Variants in NCOR2 observed in about 807,000 individuals in gnomAD.
NCOR2 encodes the protein nuclear receptor corepressor 2, also known as CTG repeat protein 26.
Under a neutral mutation model 262.9 loss-of-function variants are expected in NCOR2, and 81 were observed. The ratio of observed to expected loss-of-function variants is 0.31; its 90% confidence interval spans 0.26 to 0.37. The LOEUF (loss-of-function observed/expected upper bound fraction) is 0.37, where lower values mean the gene tolerates loss of function less well. Among genes scored for constraint, NCOR2 ranks in the 10% least tolerant of loss-of-function variants. The pLI is 1.00. For synonymous variants in NCOR2, 1,659 were observed against 1,559.3 expected (o/e 1.06, Z -1.51); for missense variants, 3,385 against 3,621.4 (o/e 0.93, Z 1.68).
At chr12:124,400,797 T>C in intron 14 of NCOR2, 124 bp from the exon 17 acceptor site, 1 of 1,261,400 alleles carries the variant, frequency 7.9e-7, no homozygotes, top group Non-Finnish European at 1.1e-6. Flanking sequence ...AATCGGACGC[T>C]AGGAAAGAGG....
At position 124,389,572 on chromosome 12, in the gene NCOR2, C is replaced by T. The variant is rs990130564; in HGVS notation, c.1877-3685G>A. The stretch of plus-strand genomic sequence containing the variant: ...CCATCATCCCCCGCCGCCCGTCCCC[C>T]CACCCTCCGTGTCAGTTCCACCTGA... On this transcript the variant is annotated intron_variant, in intron 16 of 46. Coordinates refer to ENST00000405201, the Ensembl canonical transcript of NCOR2. The surrounding 1 kb of genome is among the most constrained non-coding windows in gnomAD (Gnocchi z 4.4). Among the ~76,000 whole-genome samples the T allele has an allele frequency of 6.6e-6, 1 of 152,248 alleles. No homozygotes were observed. Among genetic ancestry groups the T allele is most frequent in the Non-Finnish European group, 1.5e-5 (1 of 68,038 alleles).
intron 42 of NCOR2, 99 bp downstream of exon 44, chr12:124,333,031 C>A: frequency 6.8e-7 from 1 of 1,462,202 alleles, no homozygotes; most frequent in Non-Finnish European, 9.1e-7. Context: ...AGCCCTGTGC[C>A]CTTGTCACTC....
rs2045411582 is a variant in NCOR2, at chr12:124,449,886, A to C, written c.763-19T>G. 1.9e-6 allele frequency: 3 copies of C among 1,613,034 alleles called. No homozygotes were observed. Among genetic ancestry groups the C allele is most frequent in the Middle Eastern group, 1.7e-4 (1 of 6,044 alleles). The stretch of plus-strand genomic sequence containing the variant: ...ACAGCGGCTGCAAAGGGAGAGAGAG[A>C]AGCACATCAGAGCCTGGCTGGCCAC... On this transcript the variant is annotated intron_variant, in intron 6 of 46. Transcript: ENST00000405201.
intron 1 of NCOR2, among the ~76,000 whole-genome samples, chr12:124,525,526 G>T (rs920683475): frequency 2.0e-5 from 3 of 152,232 alleles, no homozygotes; most frequent in Non-Finnish European, 4.4e-5. Context: ...ACCAGGAGGA[G>T]GCCGTGGGGA....
chr12:124,543,842 C>CT (rs1162678664), intron 1 of NCOR2, among the ~76,000 whole-genome samples: 1 of 152,244 alleles, frequency 6.6e-6, no homozygotes, highest in Non-Finnish European at 1.5e-5. Context: ...GTCCACCTGT[C>CT]TGTCCAGCCC....
intron 1 of NCOR2, among the ~76,000 whole-genome samples, chr12:124,554,088 C>T (rs554635404): frequency 1.3e-5 from 2 of 152,354 alleles, no homozygotes; most frequent in African/African-American, 4.8e-5. Flanking sequence ...CAGGGTGAGC[C>T]CTGCCCCATA....
At chr12:124,474,958 G>A (rs904521460) in intron 3 of NCOR2, among the ~76,000 whole-genome samples, 3 of 152,046 alleles carry the variant, frequency 2.0e-5, no homozygotes, top group Admixed American at 1.3e-4. Context: ...GGGGGCCACC[G>A]AGTGCCCCAC....
rs181976176 is a variant in NCOR2, at chr12:124,396,776, C to T, written c.1876+1343G>A. On this transcript the variant is annotated intron_variant, in intron 16 of 46. Coordinates refer to ENST00000405201, the Ensembl canonical transcript of NCOR2. The stretch of plus-strand genomic sequence containing the variant: ...GGGGTCTTCTCAGGGCTGTGGGGAC[C>T]CTCAGCACCCCCCACAACTACAGTG... 6.6e-3 allele frequency among the ~76,000 whole-genome samples: 1,001 copies of T among 152,220 alleles called. 4 individuals are homozygous for T. Among genetic ancestry groups the T allele is most frequent in the Middle Eastern group, 0.017 (5 of 292 alleles).
At chr12:124,466,551 C>G (rs2046428261) in intron 4 of NCOR2, among the ~76,000 whole-genome samples, 1 of 152,168 alleles carries the variant, frequency 6.6e-6, no homozygotes, top group Non-Finnish European at 1.5e-5. Flanking sequence ...CACAGCCAAG[C>G]AGCCTCACCC....
At chr12:124,431,403 C>T (rs1195851298) in intron 8 of NCOR2, among the ~76,000 whole-genome samples, 1 of 150,232 alleles carries the variant, frequency 6.7e-6, no homozygotes, top group African/African-American at 2.5e-5. Context: ...CAGACAGATA[C>T]ACAGGCAGAC....
intron 6 of NCOR2, among the ~76,000 whole-genome samples, chr12:124,453,793 C>G (rs1319242508): frequency 6.6e-6 from 1 of 152,266 alleles, no homozygotes; most frequent in Non-Finnish European, 1.5e-5. Context: ...CCGCTCCCAG[C>G]CTGGTCCAGT....
chr12:124,449,079 G>A (rs1467543786), intron 7 of NCOR2, among the ~76,000 whole-genome samples: 2 of 152,036 alleles, frequency 1.3e-5, no homozygotes, highest in East Asian at 1.9e-4. Context: ...TGCCCTCCTC[G>A]GCCCAACAGT....
intron 16 of NCOR2, among the ~76,000 whole-genome samples, chr12:124,392,137 G>T (rs891283412): frequency 6.6e-6 from 1 of 152,240 alleles, no homozygotes; most frequent in Non-Finnish European, 1.5e-5. Flanking sequence ...TCGACCGCCA[G>T]GTGCTCCTTC....
chr12:124,357,118 G>A (rs2038014339), intron 22 of NCOR2, among the ~76,000 whole-genome samples: 1 of 152,244 alleles, frequency 6.6e-6, no homozygotes, highest in East Asian at 1.9e-4. Flanking sequence ...TCTAAGCCAG[G>A]AGGTGGCAAA....
At chr12:124,456,146 GATTAC>G (rs2045840701) in intron 6 of NCOR2, among the ~76,000 whole-genome samples, 1 of 152,214 alleles carries the variant, frequency 6.6e-6, no homozygotes, top group African/African-American at 2.4e-5. Context: ...ATAGCACTGG[GATTAC>G]AGGTATGAGC....
At chr12:124,420,201 C>A in intron 12 of NCOR2, 146 bp from the exon 15 acceptor site, 1 of 608,564 alleles carries the variant, frequency 1.6e-6, no homozygotes, top group Non-Finnish European at 2.9e-6. Context: ...CTCTGTGTCT[C>A]AGTTTTCTCA....
At chr12:124,423,591 T>C (rs772694849) in intron 11 of NCOR2, among the ~76,000 whole-genome samples, 1 of 152,192 alleles carries the variant, frequency 6.6e-6, no homozygotes. Context: ...GCCGGAGCCA[T>C]CCTAAGGCCC....
At chr12:124,487,212 G>A (rs1189506370) in intron 1 of NCOR2, among the ~76,000 whole-genome samples, 3 of 152,224 alleles carry the variant, frequency 2.0e-5, no homozygotes, top group African/African-American at 4.8e-5. Context: ...GCGAGGGAAC[G>A]AGGCTCGGGC....
Position 124,355,877 on chromosome 12 carries a change from A to G in NCOR2, c.3242-306T>C, listed in dbSNP as rs370745508. On this transcript the variant is annotated intron_variant, in intron 23 of 46. Transcript: ENST00000405201. The stretch of plus-strand genomic sequence containing the variant: ...TAGCCCCCAGTAGCCCCTTCCCCTT[A>G]TAGGAACCAAAAGGACCTTTTTGGA... Among the ~76,000 whole-genome samples, 12 of 152,158 alleles carry G rather than the reference A, an allele frequency of 7.9e-5. No individual in the cohort carries two copies. In the South Asian group the frequency reaches 1.9e-3, roughly 24 times the overall value.
Sources: gnomAD v4.1 joint callset for allele counts (sites outside exome capture counted in the v4.1 genomes callset) on GRCh38, gnomAD v4.1.1 for gene constraint, Gnocchi (gnomAD v3.1) non-coding constraint, MANE v1.5 for transcripts, NCBI Gene and HGNC (gene_info 2026-07-23, HGNC 2026-07-21) for gene names.